The following NEDD4L variants were observed in gnomAD, a reference collection of about 807,000 sequenced individuals.
The protein encoded by NEDD4L is NEDD4 like E3 ubiquitin protein ligase, also known as E3 ubiquitin-protein ligase NEDD4-like.
Under a neutral mutation model 148.9 loss-of-function variants are expected in NEDD4L, and 54 were observed. The ratio of observed to expected loss-of-function variants is 0.36; its 90% CI spans 0.29 to 0.45. The LOEUF (loss-of-function observed/expected upper bound fraction) is 0.45, where lower values mean the gene tolerates loss of function less well. Ranked by LOEUF, NEDD4L falls within the 20% of genes least tolerant of loss-of-function variation. The pLI is 1.00. For synonymous variants in NEDD4L, 433 were observed against 440.7 expected (o/e 0.98, Z 0.22); for missense variants, 856 against 1,233.8 (o/e 0.69, Z 4.59).
intron 2 of NEDD4L, among the ~76,000 whole-genome samples, chr18:58,213,090 A>G (rs535188): frequency 0.44 from 67,454 of 152,022 alleles, 16,402 homozygotes; most frequent in African/African-American, 0.66. Flanking sequence ...GCAAGGCTGT[A>G]ATAGAAGTGG....
chr18:58,103,348 A>C (rs1190085539), intron 1 of NEDD4L, among the ~76,000 whole-genome samples: 2 of 150,940 alleles, frequency 1.3e-5, no homozygotes, highest in Non-Finnish European at 2.9e-5. Flanking sequence ...CATGAGTTGC[A>C]ATTACCATGA....
At chr18:58,225,408 G>A (rs2044244917) in intron 2 of NEDD4L, among the ~76,000 whole-genome samples, 1 of 152,254 alleles carries the variant, frequency 6.6e-6, no homozygotes, top group Non-Finnish European at 1.5e-5. Context: ...GCCTTGGGCA[G>A]GGAGCAGCCC....
intron 10 of NEDD4L, among the ~76,000 whole-genome samples, 178 bp downstream of exon 10, chr18:58,329,305 A>G (rs2059588931): frequency 6.6e-6 from 1 of 152,252 alleles, no homozygotes; most frequent in Admixed American, 6.5e-5. Flanking sequence ...TAAAAGCCGT[A>G]TTTGACAAGT....
intron 1 of NEDD4L, among the ~76,000 whole-genome samples, chr18:58,064,523 G>A (rs2082505324): frequency 6.6e-6 from 1 of 152,116 alleles, no homozygotes; most frequent in Non-Finnish European, 1.5e-5. Context: ...GTGCCAGTTG[G>A]TGGTAACATA....
intron 1 of NEDD4L, among the ~76,000 whole-genome samples, chr18:58,148,385 C>T (rs940950761): frequency 3.9e-5 from 6 of 152,146 alleles, no homozygotes; most frequent in Admixed American, 3.3e-4. Context: ...AGGCCGGTCT[C>T]GAACTCCTGA....
Position 58,221,699 on chromosome 18 carries a change from G to A in NEDD4L, c.123-23728G>A, listed in dbSNP as rs143511428. 1.5e-4 allele frequency: 146 copies of A among 985,456 alleles called. No individual in the cohort carries two copies. The African/African-American group carries it at 2.1e-3, about 14-fold the overall frequency. The allele number at this position is 985,456 out of a possible 1,614,324, so 61.0% of individuals were successfully genotyped here. On this transcript the variant is annotated intron_variant, in intron 2 of 30. Transcript: ENST00000400345. ...GTCACCAAGGTAGATTTCCAGCAGC[G>A]CTAGTCCAGCTGAACACTTTCCAGC... is the stretch of plus-strand genomic sequence containing the variant.
In NEDD4L at chr18:58,081,309, G is replaced by A. The variant is rs192335373; in HGVS notation, c.48+36601G>A. The stretch of plus-strand genomic sequence containing the variant: ...CGGCTCACTGCAAGCTCTGCCTCCT[G>A]GGTTCACGCCATGCTCCTGCCTCAG... On this transcript the variant is annotated intron_variant, in intron 1 of 30. Transcript: ENST00000400345. Among the ~76,000 whole-genome samples, 19 of 147,178 alleles carry A rather than the reference G, an allele frequency of 1.3e-4. No homozygotes were observed. In the East Asian group the frequency reaches 3.8e-3, roughly 29 times the overall value.
intron 19 of NEDD4L, among the ~76,000 whole-genome samples, chr18:58,364,013 G>T (rs1025672865): frequency 6.6e-6 from 1 of 152,180 alleles, no homozygotes; most frequent in Non-Finnish European, 1.5e-5. Context: ...TTTGTGTAGC[G>T]TACCCCAAAT....
At chr18:58,294,199 AC>A (rs533841169) in intron 5 of NEDD4L, among the ~76,000 whole-genome samples, 132 of 152,300 alleles carry the variant, frequency 8.7e-4, no homozygotes, top group African/African-American at 3.1e-3. Context: ...TCCAAAATAA[AC>A]CCAAGGATTC....
Position 58,155,590 on chromosome 18 carries a change from A to T in NEDD4L, c.49-10198A>T, listed in dbSNP as rs12960965. The stretch of plus-strand genomic sequence containing the variant: ...GTTAAATCTCATAATGGACATTTGC[A>T]CCCTTTAAGGAAGTAAAGCTCTCAA... On this transcript the variant is annotated intron_variant, in intron 1 of 30. Transcript: ENST00000400345. 3.3e-5 allele frequency among the ~76,000 whole-genome samples: 5 copies of T among 152,188 alleles called. No individual in the cohort carries two copies. In the East Asian group the frequency reaches 9.7e-4, roughly 29 times the overall value.
At chr18:58,357,597 A>G in intron 19 of NEDD4L, 1 of 445,764 alleles carries the variant, frequency 2.2e-6, no homozygotes, top group Admixed American at 3.0e-5. Flanking sequence ...ATAAAGTGTT[A>G]TCATTTCTTT....
chr18:58,282,872 C>T (rs1600674384), intron 5 of NEDD4L, among the ~76,000 whole-genome samples: 5 of 152,292 alleles, frequency 3.3e-5, no homozygotes, highest in Admixed American at 3.3e-4. Flanking sequence ...TAACAAACCA[C>T]ATCTCAGTGA....
chr18:58,362,522 G>T (rs1217312118), intron 19 of NEDD4L, among the ~76,000 whole-genome samples: 6 of 152,202 alleles, frequency 3.9e-5, no homozygotes, highest in African/African-American at 1.2e-4. Flanking sequence ...TCTAACGCTG[G>T]CAGGAGAGAG....
intron 9 of NEDD4L, among the ~76,000 whole-genome samples, chr18:58,327,210 G>A (rs1403377214): frequency 1.3e-5 from 2 of 152,174 alleles, no homozygotes; most frequent in Non-Finnish European, 2.9e-5. Context: ...CGATTCTCCT[G>A]CCTTGGCCTC....
chr18:58,122,630 A>G (rs575390144), intron 1 of NEDD4L, among the ~76,000 whole-genome samples: 2 of 152,344 alleles, frequency 1.3e-5, no homozygotes, highest in South Asian at 4.1e-4. Context: ...GTATTTAGAT[A>G]CTGCTGAGTT....
intron 1 of NEDD4L, among the ~76,000 whole-genome samples, chr18:58,129,141 A>T (rs968483653): frequency 3.3e-5 from 5 of 152,254 alleles, no homozygotes; most frequent in African/African-American, 1.2e-4. Context: ...GATTGCTGAT[A>T]GAGGAAGCCC....
At chr18:58,248,878 A>C in intron 3 of NEDD4L, 21 bp from the exon 4 acceptor site, 2 of 1,363,304 alleles carry the variant, frequency 1.5e-6, no homozygotes, top group Non-Finnish European at 2.1e-6. Flanking sequence ...AAAAGATACT[A>C]CAAGATAATT....
chr18:58,073,129 C>T (rs563948298), intron 1 of NEDD4L, among the ~76,000 whole-genome samples: 9 of 152,056 alleles, frequency 5.9e-5, no homozygotes, highest in East Asian at 1.9e-4. Context: ...TCCATGTTCA[C>T]GGATTAGAAG....
At chr18:58,299,228 T>C (rs1213901760) in intron 5 of NEDD4L, among the ~76,000 whole-genome samples, 1 of 152,260 alleles carries the variant, frequency 6.6e-6, no homozygotes, top group Non-Finnish European at 1.5e-5. Context: ...GCATCCCGCA[T>C]GATAAGCGAT....
Sources: allele counts gnomAD v4.1 joint callset (sites outside exome capture counted in the v4.1 genomes callset), GRCh38; gene constraint gnomAD v4.1.1; transcripts MANE v1.5; gene names NCBI Gene and HGNC (gene_info 2026-07-23, HGNC 2026-07-21).